The following SHISAL2B variants were observed in gnomAD, a reference collection of about 807,000 sequenced individuals.
SHISAL2B encodes protein shisa-like-2B.
In SHISAL2B, 12 loss-of-function variants were observed where a neutral mutation model predicts 16.5. The ratio of observed to expected loss-of-function variants is 0.73; its 90% confidence interval spans 0.47 to 1.18. The LOEUF (loss-of-function observed/expected upper bound fraction) is 1.18, where lower values mean the gene tolerates loss of function less well. Among genes scored for constraint, SHISAL2B ranks in the 50% most tolerant of loss-of-function variants. The pLI, the probability that SHISAL2B is intolerant of heterozygous loss-of-function variation, is 0.00. For synonymous variants in SHISAL2B, 72 were observed against 75.0 expected (o/e 0.96, Z 0.21); for missense variants, 183 against 193.6 (o/e 0.95, Z 0.33).
rs145086283 is a variant in SHISAL2B at position 64,704,454 on chromosome 5, T to C, written c.349+8790T>C. Among the ~76,000 whole-genome samples the C allele has an allele frequency of 1.1e-3, 170 of 152,316 alleles. 1 individual carries two copies. Among genetic ancestry groups the C allele is most frequent in the East Asian group, 9.8e-3 (51 of 5,184 alleles). On this transcript the variant is annotated intron_variant, in intron 2 of 2. Coordinates refer to ENST00000389074, the MANE Select transcript of SHISAL2B (RefSeq NM_001164442.2). ...TAATTTAATGCCAGTCTAGGAAGTATAGGATTAAAGAAAGGTTGAAATTTA... is the reference window on the plus strand; with the variant it reads ...TAATTTAATGCCAGTCTAGGAAGTACAGGATTAAAGAAAGGTTGAAATTTA...
chr5:64,701,297 T>C (rs1451564258), intron 2 of SHISAL2B, among the ~76,000 whole-genome samples: 1 of 152,220 alleles, frequency 6.6e-6, no homozygotes, highest in African/African-American at 2.4e-5. Flanking sequence ...GTCTCCAGAA[T>C]TCTAAGGGCT....
chr5:64,698,244 T>G (rs1326475000), intron 2 of SHISAL2B, among the ~76,000 whole-genome samples: 1 of 152,234 alleles, frequency 6.6e-6, no homozygotes, highest in Non-Finnish European at 1.5e-5. Context: ...TCTGCTTCTG[T>G]CCTTGTTCCC....
At chr5:64,693,942 T>C (rs1741691408) in intron 1 of SHISAL2B, 1 of 337,460 alleles carries the variant, frequency 3.0e-6, no homozygotes, top group Non-Finnish European at 5.8e-6. Context: ...CAATCTCTTC[T>C]TTGCAGGGGT....
In SHISAL2B at chr5:64,717,908, C is replaced by T. The variant is rs1742080110; in HGVS notation, c.369C>T (p.Thr123=). 6.6e-7 allele frequency: 1 copy of T among 1,512,724 alleles called. No individual in the cohort carries two copies. The highest frequency in any genetic ancestry group is 8.8e-7 in the Non-Finnish European group (1 of 1,141,110). The allele number at this position is 1,512,724 out of a possible 1,614,324, so 93.7% of individuals were successfully genotyped here. ...CTGCAGGCAAGTCAAATGGAAAAAC[C>T]AAAGCCCTCAATTCAAATGCAGCAT... is the stretch of plus-strand genomic sequence containing the variant. ...STQEGKSNGK[T]KALNSNAASN... The change falls in exon 3 of 3, where the codon ACC becomes ACT. Residue 123 remains threonine, a synonymous_variant. Transcript: ENST00000389074.
intron 2 of SHISAL2B, among the ~76,000 whole-genome samples, chr5:64,707,682 G>A (rs1741893170): frequency 6.6e-6 from 1 of 152,142 alleles, no homozygotes; most frequent in Non-Finnish European, 1.5e-5. Context: ...TCCAAATTTT[G>A]TTTACAGGAG....
intron 2 of SHISAL2B, among the ~76,000 whole-genome samples, chr5:64,706,684 T>C (rs764035915): frequency 2.0e-5 from 3 of 151,920 alleles, no homozygotes; most frequent in Admixed American, 1.3e-4. Context: ...AAAGAGAAAA[T>C]AGGGGGAGGA....
chr5:64,695,665 G>A lies in SHISAL2B; in HGVS notation c.349+1G>A. On this transcript the variant is annotated splice_donor_variant, in intron 2 of 2. Transcript: ENST00000389074. LOFTEE classifies it high-confidence loss of function. The stretch of plus-strand genomic sequence containing the variant: ...TTAGAGGCTTCTTCCACTCAAGAAG[G>A]TAATCAGTATCTATTATTTGTTACC... The A allele has an allele frequency of 1.3e-6, 2 of 1,522,872 alleles. No homozygotes were observed. The highest frequency in any genetic ancestry group is 1.8e-6 in the Non-Finnish European group (2 of 1,139,926). 94.3% of individuals were successfully genotyped at this position (1,522,872 alleles called of 1,614,324 possible). A position where few individuals can be genotyped will look rare whatever the true frequency, so the allele number is the denominator to read the frequency against.
At chr5:64,705,094 T>C (rs1385399407) in intron 2 of SHISAL2B, among the ~76,000 whole-genome samples, 1 of 152,174 alleles carries the variant, frequency 6.6e-6, no homozygotes, top group Non-Finnish European at 1.5e-5. Flanking sequence ...TTAACACTGG[T>C]TAGAAAGATC....
intron 2 of SHISAL2B, among the ~76,000 whole-genome samples, chr5:64,703,002 C>G (rs1561375647): frequency 6.6e-6 from 1 of 152,120 alleles, no homozygotes; most frequent in African/African-American, 2.4e-5. Context: ...TCTGATTAAA[C>G]AAGACTCCAT....
intron 2 of SHISAL2B, among the ~76,000 whole-genome samples, chr5:64,712,579 A>T (rs1741975207): frequency 6.6e-6 from 1 of 150,980 alleles, no homozygotes; most frequent in Non-Finnish European, 1.5e-5. Context: ...GCTGAGTTCA[A>T]TTCCTGGGTA....
intron 2 of SHISAL2B, among the ~76,000 whole-genome samples, chr5:64,714,427 C>G: frequency 6.7e-6 from 1 of 149,120 alleles, no homozygotes; most frequent in South Asian, 2.1e-4. Context: ...GCTGGGAGAA[C>G]CACTGCTCTC....
chr5:64,699,703 C>G (rs1052378030), intron 2 of SHISAL2B, among the ~76,000 whole-genome samples: 5 of 152,106 alleles, frequency 3.3e-5, no homozygotes, highest in African/African-American at 1.2e-4. Flanking sequence ...TCTGAATGGC[C>G]TAAAGGGAAA....
In SHISAL2B at chr5:64,695,544, G is replaced by T. The variant is rs574012886; in HGVS notation, c.229G>T (p.Val77Phe). Residue 77 changes from valine (V) to phenylalanine (F), a missense_variant, in exon 2 of 3, where the codon GTT (valine) becomes TTT (phenylalanine). Physicochemically the swap from Val to Phe is conservative, Grantham distance 50. Coordinates refer to ENST00000389074, the MANE Select transcript of SHISAL2B (RefSeq NM_001164442.2). Reference protein sequence around the residue: ...ALIGLGIAALVLLAFVISVCV... With the variant: ...ALIGLGIAALFLLAFVISVCV... ...GATTGGACTAGGAATTGCTGCCCTT[G>T]TTTTACTCGCCTTTGTCATCAGTGT... is the stretch of plus-strand genomic sequence containing the variant. 2.6e-6 allele frequency: 4 copies of T among 1,535,832 alleles called. No homozygotes were observed. Among genetic ancestry groups the T allele is most frequent in the Non-Finnish European group, 3.5e-6 (4 of 1,146,362 alleles).
chr5:64,703,372 G>A (rs747556521), intron 2 of SHISAL2B, among the ~76,000 whole-genome samples: 2 of 152,096 alleles, frequency 1.3e-5, no homozygotes, highest in Non-Finnish European at 2.9e-5. Flanking sequence ...ATAGAAAGAC[G>A]TTTTTATTTA....
At chr5:64,713,719 C>A (rs1437745440) in intron 2 of SHISAL2B, among the ~76,000 whole-genome samples, 7 of 129,890 alleles carry the variant, frequency 5.4e-5, no homozygotes, top group Non-Finnish European at 9.3e-5. Flanking sequence ...TCCCATATTT[C>A]TTGGAGGCTT....
At chr5:64,695,451 G>T (rs1477705968) in intron 1 of SHISAL2B, 56 bp from the exon 2 acceptor site, 2 of 1,261,056 alleles carry the variant, frequency 1.6e-6, no homozygotes, top group Non-Finnish European at 2.1e-6. Context: ...CTTCTCTTTA[G>T]TTGAACCAGT....
chr5:64,703,183 C>G (rs1042185210), intron 2 of SHISAL2B, among the ~76,000 whole-genome samples: 1 of 152,084 alleles, frequency 6.6e-6, no homozygotes, highest in African/African-American at 2.4e-5. Context: ...TTCTAAATAG[C>G]CTTAACGTCC....
At chr5:64,701,034 C>T (rs1474600400) in intron 2 of SHISAL2B, among the ~76,000 whole-genome samples, 1 of 152,198 alleles carries the variant, frequency 6.6e-6, no homozygotes, top group African/African-American at 2.4e-5. Context: ...CACAGATTAG[C>T]ACTGGTCCAT....
At chr5:64,709,352 A>G (rs537848847) in intron 2 of SHISAL2B, among the ~76,000 whole-genome samples, 239 of 151,508 alleles carry the variant, frequency 1.6e-3, no homozygotes, top group Non-Finnish European at 2.4e-3. Context: ...CCATTTCCCT[A>G]CAAAGGACAT....
Sources: gnomAD v4.1 joint callset for allele counts (sites outside exome capture counted in the v4.1 genomes callset) on GRCh38, gnomAD v4.1.1 for gene constraint, MANE v1.5 for transcripts, NCBI Gene and HGNC (gene_info 2026-07-23, HGNC 2026-07-21) for gene names.